ST18: variants seen among roughly 807,000 people sequenced by gnomAD.
The protein encoded by ST18 is ST18 C2H2C-type zinc finger transcription factor.
ST18 carries 50 observed loss-of-function variants against 110.0 expected under a neutral mutation model. The ratio of observed to expected loss-of-function variants is 0.45; its 90% confidence interval spans 0.36 to 0.58. The LOEUF (loss-of-function observed/expected upper bound fraction) is 0.58. Ranked by LOEUF, ST18 falls within the 20% of genes least tolerant of loss-of-function variation. ST18 has a pLI of 0.00. For missense variants in ST18, 1,306 were observed against 1,280.1 expected (o/e 1.02, Z -0.31); for synonymous variants, 461 against 452.4 (o/e 1.02, Z -0.24).
Position 52,132,060 on chromosome 8 carries a change from G to A in ST18, c.2564C>T (p.Ala855Val). Residue 855 changes from alanine (A) to valine (V), a missense_variant, in exon 22 of 26, where the codon GCC becomes GTC. Ala to Val is a moderately conservative substitution (Grantham distance 64). Coordinates refer to ENST00000689386, the MANE Select transcript of ST18 (RefSeq NM_001352837.2). ...TTTGTTCAGTTTCCAGGAGAGGGAG[G>A]CTCCATTGAGAGGATTCTCCTTCTG... The part of the protein sequence containing the change: ...KRQKENPLNG[A>V]SLSWKLNKQE... 1 of 1,614,212 alleles carries A rather than the reference G, an allele frequency of 6.2e-7. No individual in the cohort carries two copies. The highest frequency in any genetic ancestry group is 8.5e-7 in the Non-Finnish European group (1 of 1,180,042).
intron 8 of ST18, among the ~76,000 whole-genome samples, chr8:52,195,941 C>A (rs2076061191): frequency 6.6e-6 from 1 of 152,098 alleles, no homozygotes; most frequent in South Asian, 2.1e-4. Flanking sequence ...TGTGATCAGA[C>A]CACATAGATT....
Position 52,358,379 on chromosome 8 carries a change from A to G in ST18, c.-465+50949T>C, listed in dbSNP as rs532301573. On this transcript the variant is annotated intron_variant, in intron 2 of 25. Coordinates refer to ENST00000689386, the MANE Select transcript of ST18 (RefSeq NM_001352837.2). The stretch of plus-strand genomic sequence containing the variant: ...AGTGGAGTTAAATGAAATAGGGAGT[A>G]GAAGAACCATACAATCACCAAAACT... 5.3e-5 allele frequency among the ~76,000 whole-genome samples: 8 copies of G among 152,054 alleles called. No homozygotes were observed. The South Asian group carries it at 1.7e-3, about 32-fold the overall frequency.
chr8:52,209,719 G>A (rs1353627312), intron 8 of ST18, among the ~76,000 whole-genome samples: 7 of 140,098 alleles, frequency 5.0e-5, no homozygotes, highest in African/African-American at 1.9e-4. Flanking sequence ...GCAGTGAACC[G>A]AGATCGTGCC....
At chr8:52,342,245 G>A (rs1044609555) in intron 2 of ST18, among the ~76,000 whole-genome samples, 5 of 152,052 alleles carry the variant, frequency 3.3e-5, no homozygotes, top group South Asian at 4.2e-4. Flanking sequence ...TAAAAAATAC[G>A]TTGTATTCAG....
Position 52,149,777 on chromosome 8 carries a change from A to G in ST18, c.2007T>C (p.Pro669=). ...TCCCGTGAGTTTTGCTATAGTTGAT[A>G]GGAGTGTCCCAGCCCTCTTGGTCAC... ...ALCDQEGWDT[P]INYSKTHGKT... Residue 669 remains proline, a synonymous_variant, in exon 16 of 26, where the codon CCT becomes CCC. Transcript: ENST00000689386. 6.2e-7 allele frequency: 1 copy of G among 1,614,162 alleles called. No individual in the cohort carries two copies. The highest frequency in any genetic ancestry group is 8.5e-7 in the Non-Finnish European group (1 of 1,180,016).
intron 2 of ST18, among the ~76,000 whole-genome samples, chr8:52,380,574 A>G (rs1474461159): frequency 6.6e-6 from 1 of 152,108 alleles, no homozygotes; most frequent in African/African-American, 2.4e-5. Flanking sequence ...CTCCCTATAT[A>G]TTCTTCTATC....
chr8:52,406,550 C>T (rs1844574614), intron 2 of ST18: 1 of 152,160 alleles, frequency 6.6e-6, no homozygotes, highest in Non-Finnish European at 1.5e-5. Context: ...TAAACAGAAC[C>T]CCGAACACAT....
At chr8:52,308,641 C>A (rs1315263028) in intron 2 of ST18, among the ~76,000 whole-genome samples, 1 of 152,204 alleles carries the variant, frequency 6.6e-6, no homozygotes, top group Non-Finnish European at 1.5e-5. Flanking sequence ...GTCACATGCC[C>A]CCTTCCTGAA....
At chr8:52,268,480 T>TATC (rs1189552769) in intron 2 of ST18, among the ~76,000 whole-genome samples, 1 of 94,602 alleles carries the variant, frequency 1.1e-5, no homozygotes, top group Non-Finnish European at 2.9e-5. Flanking sequence ...TCTATCTATC[T>TATC]ATCTATCTAT....
At chr8:52,308,081 G>T (rs1045482084) in intron 2 of ST18, among the ~76,000 whole-genome samples, 3 of 152,142 alleles carry the variant, frequency 2.0e-5, no homozygotes, top group African/African-American at 7.2e-5. Context: ...TGAAGGTCAC[G>T]GGAGCTCTGC....
chr8:52,279,501 C>T (rs1048579239), intron 2 of ST18, among the ~76,000 whole-genome samples: 6 of 151,996 alleles, frequency 3.9e-5, no homozygotes, highest in South Asian at 2.1e-4. Context: ...CAATATTCAA[C>T]GAGAAGTTGG....
intron 2 of ST18, among the ~76,000 whole-genome samples, chr8:52,309,596 T>C (rs1443732485): frequency 2.0e-5 from 3 of 150,622 alleles, no homozygotes; most frequent in Non-Finnish European, 4.4e-5. Context: ...TTTTTTATGA[T>C]GAGACTAAAA....
chr8:52,120,088 A>G (rs1424591842), intron 23 of ST18, among the ~76,000 whole-genome samples: 2 of 152,184 alleles, frequency 1.3e-5, no homozygotes, highest in African/African-American at 4.8e-5. Context: ...TGCACTGGCC[A>G]GCTGTGTCTG....
intron 15 of ST18, 142 bp from the exon 16 acceptor site, chr8:52,150,119 G>T: frequency 8.3e-7 from 1 of 1,205,098 alleles, no homozygotes; most frequent in East Asian, 2.4e-5. Context: ...GATTTGCGTT[G>T]GGTAATGTTC....
At chr8:52,284,861 T>A (rs1179292184) in intron 2 of ST18, among the ~76,000 whole-genome samples, 1 of 151,720 alleles carries the variant, frequency 6.6e-6, no homozygotes, top group African/African-American at 2.4e-5. Context: ...ATTGGCTCAT[T>A]CTCATCTCAA....
intron 25 of ST18, among the ~76,000 whole-genome samples, chr8:52,113,585 A>T (rs1012689742): frequency 6.6e-6 from 1 of 152,158 alleles, no homozygotes; most frequent in South Asian, 2.1e-4. Flanking sequence ...CACATAAAGT[A>T]TATGTCTGGC....
chr8:52,323,290 G>A (rs1156738172), intron 2 of ST18, among the ~76,000 whole-genome samples: 1 of 152,164 alleles, frequency 6.6e-6, no homozygotes, highest in Non-Finnish European at 1.5e-5. Context: ...TTGAGGTTCA[G>A]TGAAAGATTT....
chr8:52,178,634 A>AC (rs2067943290), intron 9 of ST18, among the ~76,000 whole-genome samples: 1 of 131,580 alleles, frequency 7.6e-6, no homozygotes. Flanking sequence ...AAAAAAAAAA[A>AC]AAAAAAAAAC....
At chr8:52,139,103 A>G (rs1305910567) in intron 17 of ST18, among the ~76,000 whole-genome samples, 3 of 152,156 alleles carry the variant, frequency 2.0e-5, no homozygotes, top group Admixed American at 2.0e-4. Context: ...ACAGAAAAAA[A>G]ACTATAAAAG....
Sources: allele counts gnomAD v4.1 joint callset (sites outside exome capture counted in the v4.1 genomes callset), GRCh38; gene constraint gnomAD v4.1.1; transcripts MANE v1.5; gene names NCBI Gene and HGNC (gene_info 2026-07-23, HGNC 2026-07-21).